PARD3B: variants seen among roughly 807,000 people sequenced by gnomAD.
PARD3B encodes par-3 family cell polarity regulator beta, also known as partitioning defective 3 homolog B.
In PARD3B, 103 loss-of-function variants were observed where a neutral mutation model predicts 130.2. That is an observed-to-expected ratio of 0.79 (90% CI 0.67 to 0.93). The LOEUF is 0.93. Ranked by LOEUF, PARD3B falls within the 40% of genes least tolerant of loss-of-function variation. The pLI is 0.00. For missense variants in PARD3B, 1,609 were observed against 1,499.2 expected (o/e 1.07, Z -1.21); for synonymous variants, 583 against 553.2 (o/e 1.05, Z -0.76).
intron 15 of PARD3B, among the ~76,000 whole-genome samples, chr2:205,194,630 C>T (rs1479797946): frequency 6.6e-6 from 1 of 151,996 alleles, no homozygotes; most frequent in Non-Finnish European, 1.5e-5. Context: ...ATTTGTTTTC[C>T]TCATTTAATT....
chr2:205,583,788 A>T (rs1268167060), intron 22 of PARD3B, among the ~76,000 whole-genome samples: 1 of 152,152 alleles, frequency 6.6e-6, no homozygotes, highest in African/African-American at 2.4e-5. Flanking sequence ...GTCTGCCACA[A>T]TCTTTAATCT....
chr2:204,905,138 T>C (rs1273791002), intron 2 of PARD3B, among the ~76,000 whole-genome samples: 1 of 152,228 alleles, frequency 6.6e-6, no homozygotes, highest in Non-Finnish European at 1.5e-5. Context: ...AGAGATAACA[T>C]GGAGAGATCC....
At position 205,399,056 on chromosome 2, in the gene PARD3B, T is replaced by G. The variant is rs370033073; in HGVS notation, c.2631-1957T>G. Among the ~76,000 whole-genome samples, 72 of 151,798 alleles carry G rather than the reference T, an allele frequency of 4.7e-4. 1 individual carries two copies. The East Asian group carries it at 7.1e-3, about 15-fold the overall frequency. On this transcript the variant is annotated intron_variant, in intron 18 of 22. Coordinates refer to ENST00000406610, the MANE Select transcript of PARD3B (RefSeq NM_001302769.2). Reference sequence around the variant, plus strand: ...GGCTAAGGAGGGCAGATCAGCTGAGTTCAGGAGTTCAAGACCAGCCTGGCC... The same window carrying G: ...GGCTAAGGAGGGCAGATCAGCTGAGGTCAGGAGTTCAAGACCAGCCTGGCC...
chr2:204,902,095 G>A (rs1240384121), intron 2 of PARD3B, among the ~76,000 whole-genome samples: 1 of 152,188 alleles, frequency 6.6e-6, no homozygotes, highest in Non-Finnish European at 1.5e-5. Context: ...CTGCCTGGCT[G>A]CATGGACCGT....
At chr2:205,505,157 G>A (rs868574988) in intron 21 of PARD3B, among the ~76,000 whole-genome samples, 13 of 151,546 alleles carry the variant, frequency 8.6e-5, no homozygotes, top group African/African-American at 2.2e-4. Flanking sequence ...ACCAAACACC[G>A]CATGTTCTCA....
chr2:204,851,605 C>T (rs2044709238), intron 2 of PARD3B, among the ~76,000 whole-genome samples: 1 of 152,122 alleles, frequency 6.6e-6, no homozygotes, highest in Admixed American at 6.6e-5. Context: ...ATATTTTATA[C>T]AGGTTAAATA....
intron 2 of PARD3B, among the ~76,000 whole-genome samples, chr2:204,729,799 A>G (rs558165871): frequency 5.9e-5 from 9 of 152,198 alleles, no homozygotes; most frequent in African/African-American, 9.6e-5. Context: ...GTTTTGGACA[A>G]TTTAACCCTT....
intron 18 of PARD3B, among the ~76,000 whole-genome samples, chr2:205,373,326 C>T (rs748618206): frequency 1.9e-4 from 29 of 152,194 alleles, no homozygotes; most frequent in Non-Finnish European, 4.0e-4. Flanking sequence ...TCACTCCATA[C>T]CTGTTAACTG....
chr2:204,588,063 G>A (rs913044297), intron 1 of PARD3B, among the ~76,000 whole-genome samples: 4 of 152,080 alleles, frequency 2.6e-5, no homozygotes, highest in African/African-American at 9.7e-5. Flanking sequence ...TTGTAATACC[G>A]TGAGGGAGGG....
chr2:205,400,961 C>T (rs759386427), intron 18 of PARD3B, 52 bp from the exon 19 acceptor site: 146 of 1,361,988 alleles, frequency 1.1e-4, no homozygotes, highest in Non-Finnish European at 1.3e-4. Context: ...TTAGCTCTAC[C>T]GCAAAAACAA....
chr2:205,101,140 A>G (rs1274079409), intron 4 of PARD3B, among the ~76,000 whole-genome samples: 2 of 152,186 alleles, frequency 1.3e-5, no homozygotes, highest in Non-Finnish European at 2.9e-5. Context: ...ACAGGTCAAT[A>G]ATAAAAAGAC....
intron 2 of PARD3B, among the ~76,000 whole-genome samples, chr2:204,884,195 A>C (rs549125599): frequency 6.6e-6 from 1 of 152,224 alleles, no homozygotes; most frequent in Non-Finnish European, 1.5e-5. Context: ...TATTGTCGCC[A>C]GTGAGAGAAG....
At chr2:205,400,965 A>G in intron 18 of PARD3B, 48 bp from the exon 19 acceptor site, 3 of 1,401,060 alleles carry the variant, frequency 2.1e-6, no homozygotes, top group Non-Finnish European at 3.0e-6. Flanking sequence ...CTCTACCGCA[A>G]AAACAATGTG....
intron 2 of PARD3B, among the ~76,000 whole-genome samples, chr2:204,879,566 C>T (rs2045962543): frequency 6.6e-6 from 1 of 152,146 alleles, no homozygotes; most frequent in African/African-American, 2.4e-5. Flanking sequence ...TGCTACACTC[C>T]TGGAGGAAAC....
At chr2:205,224,980 T>G (rs566782603) in intron 15 of PARD3B, among the ~76,000 whole-genome samples, 33 of 152,302 alleles carry the variant, frequency 2.2e-4, no homozygotes, top group Middle Eastern at 3.4e-3. Flanking sequence ...ATTATTTATA[T>G]GTACATTTTC....
At chr2:205,130,703 T>C (rs1412164216) in intron 10 of PARD3B, among the ~76,000 whole-genome samples, 1 of 152,180 alleles carries the variant, frequency 6.6e-6, no homozygotes, top group Non-Finnish European at 1.5e-5. Flanking sequence ...ATTTCAAATG[T>C]ATTTATAATT....
At chr2:205,271,482 T>TAC (rs1252308484) in intron 16 of PARD3B, among the ~76,000 whole-genome samples, 1 of 152,148 alleles carries the variant, frequency 6.6e-6, no homozygotes, top group Admixed American at 6.5e-5. Flanking sequence ...GCCATACATA[T>TAC]ACACACACAC....
At chr2:204,988,374 G>A (rs960073241) in intron 3 of PARD3B, among the ~76,000 whole-genome samples, 2 of 152,030 alleles carry the variant, frequency 1.3e-5, no homozygotes, top group African/African-American at 2.4e-5. Context: ...AGGACAGGTG[G>A]GGATGGTTAA....
intron 22 of PARD3B, among the ~76,000 whole-genome samples, chr2:205,599,919 G>A (rs1258597412): frequency 6.6e-6 from 1 of 152,136 alleles, no homozygotes; most frequent in African/African-American, 2.4e-5. Flanking sequence ...CTGGTCCTAT[G>A]GTTACAGTAT....
Sources: gnomAD v4.1 joint callset for allele counts (sites outside exome capture counted in the v4.1 genomes callset) on GRCh38, gnomAD v4.1.1 for gene constraint, MANE v1.5 for transcripts, NCBI Gene and HGNC (gene_info 2026-07-23, HGNC 2026-07-21) for gene names.